Variants in TRPM4 observed in about 807,000 individuals in gnomAD.
The protein encoded by TRPM4 is transient receptor potential cation channel subfamily M member 4.
In TRPM4, 124 loss-of-function variants were observed where a neutral mutation model predicts 135.6. That is an observed-to-expected ratio of 0.91 (90% confidence interval 0.79 to 1.06). TRPM4 has a LOEUF of 1.06. Ranked by LOEUF, TRPM4 falls within the 50% of genes least tolerant of loss-of-function variation. The pLI, the probability that TRPM4 is intolerant of heterozygous loss-of-function variation, is 0.00. For missense variants in TRPM4, 1,658 were observed against 1,671.4 expected (o/e 0.99, Z 0.14); for synonymous variants, 745 against 705.6 (o/e 1.06, Z -0.88).
chr19:49,181,548 T>TC, intron 10 of TRPM4, 87 bp downstream of exon 10: 2 of 970,696 alleles, frequency 2.1e-6, no homozygotes, highest in Non-Finnish European at 3.0e-6. Flanking sequence ...TTTTTTTTTT[T>TC]TTTGACGGAG....
chr19:49,171,884 G>C lies in TRPM4; in HGVS notation c.1050+115G>C. Reference sequence around the variant, plus strand: ...CCTGGACTTCCAGGTTCCGGGAGAAGAGGGTGCTGGGCATATAGACTATTA... The same window carrying C: ...CCTGGACTTCCAGGTTCCGGGAGAACAGGGTGCTGGGCATATAGACTATTA... On this transcript the variant is annotated intron_variant, in intron 8 of 24. Transcript: ENST00000252826. The surrounding 1 kb of genome is among the most constrained non-coding windows in gnomAD (Gnocchi z 4.7). The C allele has an allele frequency of 7.2e-7, 1 of 1,393,746 alleles. No homozygotes were observed. The highest frequency in any genetic ancestry group is 1.4e-5 in the African/African-American group (1 of 70,268). 86.3% of individuals were successfully genotyped at this position (1,393,746 alleles called of 1,614,324 possible).
rs750413036 is a variant in TRPM4, at chr19:49,196,605, G to C, written c.2376G>C (p.Leu792=). Residue 792 remains leucine (L), a synonymous_variant, in exon 17 of 25, where the codon CTG becomes CTC. Transcript: ENST00000252826. Reference sequence around the variant, plus strand: ...TGGGCAACGTGGTCAGCTACCTGCTGTTCCTGCTGCTTTTCTCGCGGGTGC... The same window carrying C: ...TGGGCAACGTGGTCAGCTACCTGCTCTTCCTGCTGCTTTTCTCGCGGGTGC... The part of the protein sequence containing the change: ...IFMGNVVSYL[L]FLLLFSRVLL... The C allele has an allele frequency of 2.6e-6, 4 of 1,556,462 alleles. No homozygotes were observed. In the East Asian group the frequency reaches 7.1e-5, roughly 28 times the overall value.
At chr19:49,196,314 T>A in intron 16 of TRPM4, 126 bp from the exon 17 acceptor site, 1 of 866,168 alleles carries the variant, frequency 1.2e-6, no homozygotes, top group Non-Finnish European at 1.7e-6. Context: ...AGAAATTAGC[T>A]CTGGGCAGAC....
chr19:49,170,140 A>G (rs1183411722), intron 6 of TRPM4, among the ~76,000 whole-genome samples: 1 of 152,196 alleles, frequency 6.6e-6, no homozygotes, highest in East Asian at 1.9e-4. Context: ...AGTTAGCTCA[A>G]AACTCCAGGA....
intron 6 of TRPM4, among the ~76,000 whole-genome samples, chr19:49,170,437 C>T (rs1403743394): frequency 6.6e-6 from 1 of 152,134 alleles, no homozygotes; most frequent in Non-Finnish European, 1.5e-5. Flanking sequence ...GATCCACCCG[C>T]CTCGGCCTCC....
intron 16 of TRPM4, among the ~76,000 whole-genome samples, chr19:49,195,983 C>T (rs1968617948): frequency 1.3e-5 from 2 of 151,902 alleles, no homozygotes; most frequent in South Asian, 2.1e-4. Context: ...CTCAGCCTCC[C>T]GAGTATGTGG....
At chr19:49,161,035 A>C (rs1600387302) in intron 2 of TRPM4, among the ~76,000 whole-genome samples, 1 of 152,040 alleles carries the variant, frequency 6.6e-6, no homozygotes, top group African/African-American at 2.4e-5. Context: ...CAGGTTTGGG[A>C]AATGTCGCTG....
intron 9 of TRPM4, among the ~76,000 whole-genome samples, chr19:49,178,161 T>C (rs3786558): frequency 0.35 from 52,997 of 151,932 alleles, 9,630 homozygotes; most frequent in African/African-American, 0.44. Context: ...TGAGACCCCA[T>C]GTCTATAAAA....
At chr19:49,160,376 G>A (rs959953996) in intron 2 of TRPM4, among the ~76,000 whole-genome samples, 2 of 151,526 alleles carry the variant, frequency 1.3e-5, no homozygotes, top group Admixed American at 6.6e-5. Flanking sequence ...TGTAATCCCA[G>A]CTACTCAGGA....
rs774660028 is a variant in TRPM4, at chr19:49,182,579, C to T, written c.1265C>T (p.Ser422Phe). Residue 422 changes from serine (S) to phenylalanine (F), a missense_variant and splice_region_variant, in exon 11 of 25, where the codon TCC becomes TTC. Around this residue, in one of 3 missense-constraint regions of TRPM4, gnomAD observed 1,412 missense variants for 1,408.7 expected, o/e 1.00. Coordinates refer to ENST00000252826, the MANE Select transcript of TRPM4 (RefSeq NM_017636.4). Reference protein sequence around the residue: ...ELFRGDIQWRSFHLEASLMDA... With the variant: ...ELFRGDIQWRFFHLEASLMDA... ...CCCCTATTCATCCCACCCTGCCAGT[C>T]CTTCCATCTCGAAGCTTCCCTCATG... 6.2e-7 allele frequency: 1 copy of T among 1,612,568 alleles called. No individual in the cohort carries two copies. The highest frequency in any genetic ancestry group is 8.5e-7 in the Non-Finnish European group (1 of 1,179,862).
intron 12 of TRPM4, 29 bp downstream of exon 12, chr19:49,183,241 C>G: frequency 6.2e-7 from 1 of 1,613,770 alleles, no homozygotes. Context: ...CTCCTGCATC[C>G]CTGTCCTTTA....
chr19:49,209,148 A>G (rs1969258046), intron 20 of TRPM4, among the ~76,000 whole-genome samples: 1 of 152,090 alleles, frequency 6.6e-6, no homozygotes, highest in Non-Finnish European at 1.5e-5. Context: ...AAATCCACTT[A>G]ATGTGCTGCT....
chr19:49,171,958 A>C lies in TRPM4; in HGVS notation c.1051-51A>C. The C allele has an allele frequency of 6.7e-7, 1 of 1,491,122 alleles. No homozygotes were observed. Among genetic ancestry groups the C allele is most frequent in the Non-Finnish European group, 9.4e-7 (1 of 1,068,238 alleles). The allele number at this position is 1,491,122 out of a possible 1,614,324, so 92.4% of individuals were successfully genotyped here. A position where few individuals can be genotyped will look rare whatever the true frequency, so the allele number is the denominator to read the frequency against. ...TCCATCCCTTTGGACAGGGCCCAAC[A>C]GGAGTTGGGGATGGAGGCGGGCTAG... On this transcript the variant is annotated intron_variant, in intron 8 of 24. Coordinates refer to ENST00000252826, the MANE Select transcript of TRPM4 (RefSeq NM_017636.4). The surrounding 1 kb of genome is among the most constrained non-coding windows in gnomAD (Gnocchi z 4.7).
At chr19:49,182,457 C>T (rs1403313908) in intron 10 of TRPM4, 121 bp from the exon 11 acceptor site, 47 of 329,704 alleles carry the variant, frequency 1.4e-4, no homozygotes, top group Admixed American at 9.0e-4. Context: ...TCCACCCATC[C>T]ATCCATCCAT....
intron 17 of TRPM4, among the ~76,000 whole-genome samples, chr19:49,200,090 A>C (rs1968855219): frequency 6.6e-6 from 1 of 152,196 alleles, no homozygotes; most frequent in African/African-American, 2.4e-5. Flanking sequence ...TCATTACTTA[A>C]TAGGCGCAGC....
intron 20 of TRPM4, 56 bp downstream of exon 20, chr19:49,202,197 C>A: frequency 6.3e-7 from 1 of 1,587,612 alleles, no homozygotes. Context: ...GTGGCCCTCT[C>A]ATGACTCTTG....
chr19:49,203,994 T>C (rs547544361), intron 20 of TRPM4, among the ~76,000 whole-genome samples: 2 of 152,130 alleles, frequency 1.3e-5, no homozygotes, highest in South Asian at 4.1e-4. Context: ...TGGGCTCATG[T>C]CTGTAATTCC....
intron 16 of TRPM4, among the ~76,000 whole-genome samples, chr19:49,192,167 G>A (rs765626496): frequency 1.3e-5 from 2 of 152,088 alleles, no homozygotes; most frequent in Admixed American, 6.6e-5. Flanking sequence ...TTTTTGAGGC[G>A]GAGTCTTGCT....
At chr19:49,204,862 G>A (rs1969087318) in intron 20 of TRPM4, among the ~76,000 whole-genome samples, 1 of 148,876 alleles carries the variant, frequency 6.7e-6, no homozygotes. Context: ...GTGCCCAGCG[G>A]CTATTTTTTT....
Sources: gnomAD v4.1 joint callset for allele counts (sites outside exome capture counted in the v4.1 genomes callset) on GRCh38, gnomAD v4.1.1 for gene constraint, gnomAD v4.1.1 regional missense constraint, Gnocchi (gnomAD v3.1) non-coding constraint, MANE v1.5 for transcripts, NCBI Gene and HGNC (gene_info 2026-07-23, HGNC 2026-07-21) for gene names.